The following SLC14A2 variants were observed in gnomAD, a reference collection of about 807,000 sequenced individuals.
SLC14A2 encodes the protein urea transporter 2.
In SLC14A2, 91 loss-of-function variants were observed where a neutral mutation model predicts 104.6. The observed-to-expected ratio is 0.87, with a 90% confidence interval of 0.73 to 1.04. The LOEUF is 1.04. SLC14A2 is among the 50% of genes least tolerant of loss of function. The pLI, the probability that SLC14A2 is intolerant of heterozygous loss-of-function variation, is 0.00. For synonymous variants in SLC14A2, 476 were observed against 466.4 expected (o/e 1.02, Z -0.27); for missense variants, 1,189 against 1,156.0 (o/e 1.03, Z -0.41).
intron 1 of SLC14A2, among the ~76,000 whole-genome samples, chr18:45,394,114 G>A (rs1038688519): frequency 3.3e-5 from 5 of 152,158 alleles, no homozygotes; most frequent in Admixed American, 6.5e-5. Flanking sequence ...TTACTTTGCT[G>A]TACTGTGATG....
At chr18:45,469,753 G>A (rs1045384044) in intron 1 of SLC14A2, among the ~76,000 whole-genome samples, 1 of 152,132 alleles carries the variant, frequency 6.6e-6, no homozygotes, top group East Asian at 1.9e-4. Context: ...GAAAGGAAAC[G>A]GCATGGACCA....
intron 1 of SLC14A2, among the ~76,000 whole-genome samples, chr18:45,426,585 A>G (rs1038047265): frequency 6.7e-6 from 1 of 149,784 alleles, no homozygotes; most frequent in Non-Finnish European, 1.5e-5. Flanking sequence ...TATATATAGT[A>G]TATATATACA....
At chr18:45,262,331 A>G (rs1051137346) in intron 1 of SLC14A2, among the ~76,000 whole-genome samples, 1 of 152,166 alleles carries the variant, frequency 6.6e-6, no homozygotes, top group Non-Finnish European at 1.5e-5. Context: ...AACCAGCAAC[A>G]TAAACCTAGA....
intron 1 of SLC14A2, among the ~76,000 whole-genome samples, chr18:45,464,811 C>T (rs111772120): frequency 1.1e-4 from 16 of 152,102 alleles, no homozygotes; most frequent in Admixed American, 7.2e-4. Context: ...GGCCCTGAGC[C>T]GTGGGGTGGT....
chr18:45,354,788 A>C (rs1295804684), intron 1 of SLC14A2, among the ~76,000 whole-genome samples: 2 of 152,202 alleles, frequency 1.3e-5, no homozygotes. Flanking sequence ...CATGTAGCCT[A>C]CTGGGTCTAC....
intron 19 of SLC14A2, 62 bp from the exon 20 acceptor site, chr18:45,682,257 G>C: frequency 6.9e-7 from 1 of 1,448,244 alleles, no homozygotes; most frequent in East Asian, 2.3e-5. Flanking sequence ...GATTGATAAG[G>C]GCTGATTAAA....
the SLC14A2 span, among the ~76,000 whole-genome samples, chr18:45,187,378 A>G: frequency 6.6e-6 from 1 of 152,158 alleles, no homozygotes; most frequent in Non-Finnish European, 1.5e-5. Context: ...GCCAAACTGA[A>G]TAAAGCAAAG....
intron 1 of SLC14A2, among the ~76,000 whole-genome samples, chr18:45,280,285 C>T (rs1167935899): frequency 6.6e-6 from 1 of 152,042 alleles, no homozygotes; most frequent in Non-Finnish European, 1.5e-5. Context: ...CAACAAAGAC[C>T]CCTGAGGAGT....
chr18:45,631,732 C>T lies in SLC14A2; in HGVS notation c.522-618C>T, dbSNP rs546360915. On this transcript the variant is annotated intron_variant, in intron 4 of 19. Coordinates refer to ENST00000255226, the MANE Select transcript of SLC14A2 (RefSeq NM_007163.4). Reference sequence around the variant, plus strand: ...AACTTCCTGGGCTCAAGTGATCCTCCCACCTTAGCCTTCCAAGTAGCTGGG... The same window carrying T: ...AACTTCCTGGGCTCAAGTGATCCTCTCACCTTAGCCTTCCAAGTAGCTGGG... Among the ~76,000 whole-genome samples the T allele has an allele frequency of 2.6e-5, 4 of 152,316 alleles. No homozygotes were observed. The South Asian group carries it at 8.3e-4, about 32-fold the overall frequency.
intron 1 of SLC14A2, among the ~76,000 whole-genome samples, chr18:45,323,984 A>G (rs1348664412): frequency 1.3e-5 from 2 of 152,222 alleles, no homozygotes; most frequent in Non-Finnish European, 2.9e-5. Context: ...TTTAATGGCC[A>G]TAGGGAAGGA....
chr18:45,313,562 G>T (rs1201506458), intron 1 of SLC14A2, among the ~76,000 whole-genome samples: 1 of 152,146 alleles, frequency 6.6e-6, no homozygotes, highest in Non-Finnish European at 1.5e-5. Context: ...TGTGAGCAGG[G>T]ATCCTGAAGT....
chr18:45,662,214 A>G (rs2045947303), intron 10 of SLC14A2, among the ~76,000 whole-genome samples: 1 of 152,074 alleles, frequency 6.6e-6, no homozygotes, highest in African/African-American at 2.4e-5. Context: ...GAGGCAGGGA[A>G]TTGCTTGAAT....
chr18:45,494,900 TCACACACACACACATA>T (rs1175155549), intron 2 of SLC14A2, among the ~76,000 whole-genome samples: 2 of 96,476 alleles, frequency 2.1e-5, no homozygotes, highest in Non-Finnish European at 4.0e-5. Flanking sequence ...AATCGGGTCA[TCACACACACACACATA>T]CACACACACA....
At chr18:45,443,341 A>G (rs1192689532) in intron 1 of SLC14A2, among the ~76,000 whole-genome samples, 2 of 152,236 alleles carry the variant, frequency 1.3e-5, no homozygotes, top group Admixed American at 6.5e-5. Flanking sequence ...AAGTAAGGAT[A>G]ACTATGTAGA....
At chr18:45,336,582 C>G (rs544009191) in intron 1 of SLC14A2, among the ~76,000 whole-genome samples, 136 of 152,224 alleles carry the variant, frequency 8.9e-4, no homozygotes, top group African/African-American at 2.9e-3. Flanking sequence ...GCCTCTGTCC[C>G]CCTGTTACCT....
intron 1 of SLC14A2, among the ~76,000 whole-genome samples, chr18:45,623,740 G>A (rs73423795): frequency 0.056 from 8,600 of 152,230 alleles, 824 homozygotes; most frequent in African/African-American, 0.19. Flanking sequence ...CCTGTCCTAA[G>A]AGAGACGGTC....
intron 1 of SLC14A2, among the ~76,000 whole-genome samples, chr18:45,400,739 G>C (rs749269083): frequency 4.3e-4 from 66 of 152,120 alleles, no homozygotes; most frequent in Non-Finnish European, 9.3e-4. Flanking sequence ...TCATTCTGCT[G>C]TAGGTAAGAG....
At chr18:45,240,895 T>A (rs1441713985) in intron 1 of SLC14A2, among the ~76,000 whole-genome samples, 1 of 152,068 alleles carries the variant, frequency 6.6e-6, no homozygotes, top group Non-Finnish European at 1.5e-5. Context: ...CCTGACCTGG[T>A]GATTCGCCTG....
chr18:45,291,614 G>A (rs1015890332), intron 1 of SLC14A2, among the ~76,000 whole-genome samples: 1 of 152,158 alleles, frequency 6.6e-6, no homozygotes, highest in Non-Finnish European at 1.5e-5. Flanking sequence ...ACAGCAAAGG[G>A]CAGTAAAGGC....
Sources: gnomAD v4.1 joint callset for allele counts (sites outside exome capture counted in the v4.1 genomes callset) on GRCh38, gnomAD v4.1.1 for gene constraint, MANE v1.5 for transcripts, NCBI Gene and HGNC (gene_info 2026-07-23, HGNC 2026-07-21) for gene names.